TNR: variants seen among roughly 807,000 people sequenced by gnomAD.
TNR encodes tenascin R, also known as tenascin-R.
In TNR, 45 loss-of-function variants were observed where a neutral mutation model predicts 150.4. The observed-to-expected ratio is 0.30, with a 90% CI of 0.24 to 0.38. TNR has a LOEUF of 0.38. Among genes scored for constraint, TNR ranks in the 10% least tolerant of loss-of-function variants. The probability of loss-of-function intolerance (pLI) is 1.00; values close to 1 mark genes in which losing one functional copy is unlikely to be tolerated. For missense variants in TNR, 1,544 were observed against 1,759.1 expected (o/e 0.88, Z 2.19); for synonymous variants, 687 against 678.4 (o/e 1.01, Z -0.20).
At chr1:175,392,693 G>C (rs1394621247) in intron 6 of TNR, among the ~76,000 whole-genome samples, 1 of 152,148 alleles carries the variant, frequency 6.6e-6, no homozygotes, top group African/African-American at 2.4e-5. Flanking sequence ...TAATATGACT[G>C]TAAATAAGAA....
In TNR at chr1:175,379,694, T is replaced by G; in HGVS notation, c.1821A>C (p.Ala607=). The stretch of plus-strand genomic sequence containing the variant: ...TATCCCACTCGAGGTCAAGGCTGGT[T>G]GCTGTGCGAGAACCAACTCGCAAGT... ...PKNLRVGSRT[A]TSLDLEWDNS... The change falls in exon 9 of 23, where the codon GCA becomes GCC. Residue 607 remains alanine, a synonymous_variant. Transcript: ENST00000367674. 6 of 1,614,196 alleles carry G rather than the reference T, an allele frequency of 3.7e-6. No individual in the cohort carries two copies. The highest frequency in any genetic ancestry group is 5.1e-6 in the Non-Finnish European group (6 of 1,180,016).
chr1:175,624,026 T>C (rs1664066157), intron 1 of TNR, among the ~76,000 whole-genome samples: 1 of 152,248 alleles, frequency 6.6e-6, no homozygotes, highest in Non-Finnish European at 1.5e-5. Context: ...TGAGAGCCAC[T>C]CAACAAGATT....
At chr1:175,530,786 C>T (rs1434206731) in intron 1 of TNR, among the ~76,000 whole-genome samples, 2 of 151,908 alleles carry the variant, frequency 1.3e-5, no homozygotes, top group Non-Finnish European at 1.5e-5. Context: ...ATCCACATTA[C>T]CTCGGCCCCT....
At chr1:175,473,588 G>C (rs149239080) in intron 2 of TNR, among the ~76,000 whole-genome samples, 158 of 152,298 alleles carry the variant, frequency 1.0e-3, no homozygotes, top group African/African-American at 3.6e-3. Flanking sequence ...GGGCAGAGAA[G>C]ATGGCCAAGG....
At chr1:175,574,212 A>G (rs1662009772) in intron 1 of TNR, among the ~76,000 whole-genome samples, 1 of 152,172 alleles carries the variant, frequency 6.6e-6, no homozygotes, top group South Asian at 2.1e-4. Flanking sequence ...GCCTTAAATG[A>G]TGACCAATCT....
chr1:175,686,570 T>A (rs999063080), intron 1 of TNR, among the ~76,000 whole-genome samples: 5 of 152,226 alleles, frequency 3.3e-5, no homozygotes, highest in South Asian at 2.1e-4. Flanking sequence ...CATTTCATAA[T>A]GCTTCGATTG....
At chr1:175,556,654 C>T (rs1661170257) in intron 1 of TNR, 1 of 153,032 alleles carries the variant, frequency 6.5e-6, no homozygotes, top group South Asian at 2.1e-4. Flanking sequence ...CCTCCTCTTG[C>T]TCCTTCTCAG....
intron 1 of TNR, among the ~76,000 whole-genome samples, chr1:175,538,167 A>G (rs1660367203): frequency 6.6e-6 from 1 of 152,142 alleles, no homozygotes; most frequent in Non-Finnish European, 1.5e-5. Flanking sequence ...GACCATGGCT[A>G]GGGTGTTCAC....
intron 2 of TNR, among the ~76,000 whole-genome samples, chr1:175,505,312 C>T (rs1246877039): frequency 3.9e-5 from 6 of 152,358 alleles, no homozygotes; most frequent in South Asian, 4.1e-4. Context: ...GGGCTTCCCC[C>T]GGCGAGGCAG....
intron 2 of TNR, among the ~76,000 whole-genome samples, chr1:175,511,083 G>A (rs1659152341): frequency 6.6e-6 from 1 of 152,172 alleles, no homozygotes; most frequent in African/African-American, 2.4e-5. Flanking sequence ...AAATTTTCCT[G>A]CCAACAGAAC....
chr1:175,533,618 G>A (rs1451802708), intron 1 of TNR, among the ~76,000 whole-genome samples: 2 of 152,172 alleles, frequency 1.3e-5, no homozygotes, highest in Non-Finnish European at 2.9e-5. Context: ...TTAAGTGGAG[G>A]TGCTGGTGTC....
intron 1 of TNR, among the ~76,000 whole-genome samples, chr1:175,689,552 G>A (rs537561916): frequency 3.4e-4 from 52 of 152,146 alleles, no homozygotes; most frequent in Non-Finnish European, 6.9e-4. Flanking sequence ...TTCCTGGGGT[G>A]ATAGAGAATC....
chr1:175,740,317 C>T lies in TNR; in HGVS notation c.-165+2909G>A, dbSNP rs1468544655. ...GGGAGAGGGAGAAATTGGAAAGAAG[C>T]ACAGGGAACTTTTATACATCTTTTT... On this transcript the variant is annotated intron_variant, in intron 1 of 22. Transcript: ENST00000367674. 5.3e-5 allele frequency among the ~76,000 whole-genome samples: 8 copies of T among 152,148 alleles called. No homozygotes were observed. The South Asian group carries it at 1.5e-3, about 28-fold the overall frequency.
chr1:175,392,453 G>A (rs1653220449), intron 6 of TNR, among the ~76,000 whole-genome samples: 1 of 152,162 alleles, frequency 6.6e-6, no homozygotes, highest in Non-Finnish European at 1.5e-5. Context: ...GCATTCCCTG[G>A]TCAGCCTCTC....
In TNR at chr1:175,515,391, G is replaced by A. The variant is rs115162046; in HGVS notation, c.-64+12878C>T. Among the ~76,000 whole-genome samples, 322 of 152,278 alleles carry A rather than the reference G, an allele frequency of 2.1e-3. 1 individual carries two copies. Among genetic ancestry groups the A allele is most frequent in the African/African-American group, 7.3e-3 (303 of 41,566 alleles). On this transcript the variant is annotated intron_variant, in intron 2 of 22. Transcript: ENST00000367674. ...CCTCAGATGCTAAGGAAACATGGGC[G>A]CCTAATTCAGTCTAGGTTTGGGGGT...
At chr1:175,614,599 G>C (rs945545872) in intron 1 of TNR, among the ~76,000 whole-genome samples, 1 of 152,114 alleles carries the variant, frequency 6.6e-6, no homozygotes, top group Non-Finnish European at 1.5e-5. Flanking sequence ...ATCTCAAATT[G>C]TTAAAAGGAA....
intron 16 of TNR, among the ~76,000 whole-genome samples, chr1:175,355,840 C>T (rs1206424234): frequency 2.0e-5 from 3 of 152,184 alleles, no homozygotes; most frequent in African/African-American, 7.2e-5. Flanking sequence ...CAGCTACTTC[C>T]CCTTCCCTTA....
chr1:175,575,783 G>T (rs773638267), intron 1 of TNR, among the ~76,000 whole-genome samples: 1 of 152,196 alleles, frequency 6.6e-6, no homozygotes, highest in African/African-American at 2.4e-5. Context: ...ATGGGCTTAG[G>T]AGGCAGTTGG....
rs750178171 is a variant in TNR at position 175,403,437 on chromosome 1, C to T, written c.679G>A (p.Gly227Arg). The T allele has an allele frequency of 4.2e-5, 68 of 1,614,086 alleles. No homozygotes were observed. Among genetic ancestry groups the T allele is most frequent in the Non-Finnish European group, 5.3e-5 (62 of 1,180,052 alleles). The change falls in exon 4 of 23, where the codon GGG (glycine) becomes AGG (arginine). Residue 227 changes from glycine (G) to arginine (R), a missense_variant. Gly to Arg is a moderately radical substitution (Grantham distance 125). This residue lies in a region of TNR where 1,254 missense variants were observed against 1,329.4 expected (regional missense o/e 0.94). Transcript: ENST00000367674. ...CACCGGAGTTCGGAACAGTCATCCC[C>T]GCTGTACTCGCTGTCACAGATGCAC... ...GQCICDSEYS[G>R]DDCSELRCPT...
Sources: gnomAD v4.1 joint callset for allele counts (sites outside exome capture counted in the v4.1 genomes callset) on GRCh38, gnomAD v4.1.1 for gene constraint, gnomAD v4.1.1 regional missense constraint, MANE v1.5 for transcripts, NCBI Gene and HGNC (gene_info 2026-07-23, HGNC 2026-07-21) for gene names.